RFK: variants seen among roughly 807,000 people sequenced by gnomAD.
The protein encoded by RFK is riboflavin kinase.
RFK carries 4 observed loss-of-function variants against 17.6 expected under a neutral mutation model. That is an observed-to-expected ratio of 0.23 (90% CI 0.11 to 0.52). RFK has a LOEUF of 0.52. Among genes scored for constraint, RFK ranks in the 20% least tolerant of loss-of-function variants. The pLI, the probability that RFK is intolerant of heterozygous loss-of-function variation, is 0.96. For missense variants in RFK, 189 were observed against 187.7 expected, an observed-to-expected ratio of 1.01 and a Z score of -0.04; for synonymous variants, 59 against 63.8, an observed-to-expected ratio of 0.92 and a Z score of 0.36.
rs1822864729 is a variant in RFK, at chr9:76,394,372, G to A, written c.-201C>T. ...GCCGCCGACCCAACAAATACCGCCG[G>A]GCGCCTGAGGAGCTGCGTCTCCGCT... On this transcript the variant is annotated 5_prime_UTR_variant, in exon 1 of 4. Coordinates refer to ENST00000376736, the MANE Select transcript of RFK (RefSeq NM_018339.6). 2.0e-6 allele frequency: 1 copy of A among 502,890 alleles called. No homozygotes were observed. Among genetic ancestry groups the A allele is most frequent in the Admixed American group, 4.1e-5 (1 of 24,192 alleles). The allele number at this position is 502,890 out of a possible 1,614,324, so 31.2% of individuals were successfully genotyped here.
chr9:76,388,451 T>C, intron 3 of RFK, 103 bp downstream of exon 3: 1 of 749,826 alleles, frequency 1.3e-6, no homozygotes, highest in Non-Finnish European at 2.3e-6. Context: ...ATATATTAAA[T>C]GCTCAAATAT....
rs56821125 is a variant in RFK, at chr9:76,390,839, C to CT, written c.234+1578dup. Among the ~76,000 whole-genome samples, 964 of 146,704 alleles carry CT rather than the reference C, an allele frequency of 6.6e-3. 6 individuals are homozygous for CT. The highest frequency in any genetic ancestry group is 0.023 in the African/African-American group (907 of 39,762). On this transcript the variant is annotated intron_variant, in intron 2 of 3. Transcript: ENST00000376736. ...CTTATTTAAGGTCAGTAAGATAACG[C>CT]TTTTTTTTTTTTTAAAGGACAAAGG... is the stretch of plus-strand genomic sequence containing the variant.
In RFK at chr9:76,385,938, T is replaced by A. The variant is rs1012433058; in HGVS notation, c.*1461A>T. The A allele has an allele frequency of 6.6e-6, 1 of 152,256 alleles. No homozygotes were observed. Among genetic ancestry groups the A allele is most frequent in the Admixed American group, 6.5e-5 (1 of 15,282 alleles). 9.4% of individuals were successfully genotyped at this position (152,256 alleles called of 1,614,324 possible). A position where few individuals can be genotyped will look rare whatever the true frequency, so the allele number is the denominator to read the frequency against. On this transcript the variant is annotated 3_prime_UTR_variant, in exon 4 of 4. Coordinates refer to ENST00000376736, the MANE Select transcript of RFK (RefSeq NM_018339.6). ...GCAAAACGCAATCCAACTATTTATA[T>A]GAGTCCCTCTTCTCCAACAGCTTTA...
chr9:76,393,875 C>G lies in RFK; in HGVS notation c.82+215G>C, dbSNP rs1822853386. 9.0e-6 allele frequency: 5 copies of G among 553,500 alleles called. 1 individual carries two copies. Among genetic ancestry groups the G allele is most frequent in the South Asian group, 4.6e-5 (2 of 43,546 alleles). 34.3% of individuals were successfully genotyped at this position (553,500 alleles called of 1,614,324 possible). A position where few individuals can be genotyped will look rare whatever the true frequency, so the allele number is the denominator to read the frequency against. On this transcript the variant is annotated intron_variant, in intron 1 of 3. Transcript: ENST00000376736. ...CTTCCGGCCCTCACCACCCCTCAAC[C>G]CCGTCCCCGCGGAGCTCGGAGCCAG...
chr9:76,387,255 TATG>T lies in RFK; in HGVS notation c.*141_*143del, dbSNP rs1822747445. ...GCTTAATTTAATAGTTGAAGCATGA[TATG>T]ATAACAACATTGTACGGTTTAAACT... On this transcript the variant is annotated 3_prime_UTR_variant, in exon 4 of 4. Transcript: ENST00000376736. 1.4e-6 allele frequency: 1 copy of T among 701,782 alleles called. No homozygotes were observed. Among genetic ancestry groups the T allele is most frequent in the Non-Finnish European group, 2.4e-6 (1 of 423,368 alleles). 43.5% of individuals were successfully genotyped at this position (701,782 alleles called of 1,614,324 possible). A position where few individuals can be genotyped will look rare whatever the true frequency, so the allele number is the denominator to read the frequency against.
At chr9:76,389,358 G>C (rs1041821851) in intron 2 of RFK, among the ~76,000 whole-genome samples, 1 of 152,146 alleles carries the variant, frequency 6.6e-6, no homozygotes, top group African/African-American at 2.4e-5. Context: ...TAATGGGTGG[G>C]GGGCGGCTTG....
intron 2 of RFK, among the ~76,000 whole-genome samples, chr9:76,390,448 G>A (rs2131554247): frequency 6.6e-6 from 1 of 152,240 alleles, no homozygotes; most frequent in Admixed American, 6.5e-5. Flanking sequence ...AGGACTGCTT[G>A]AGCCCAAAAG....
chr9:76,386,467 C>T lies in RFK; in HGVS notation c.*932G>A, dbSNP rs1405661271. 6.6e-6 allele frequency: 1 copy of T among 151,976 alleles called. No individual in the cohort carries two copies. Among genetic ancestry groups the T allele is most frequent in the Admixed American group, 6.6e-5 (1 of 15,252 alleles). 9.4% of individuals were successfully genotyped at this position (151,976 alleles called of 1,614,324 possible). A position where few individuals can be genotyped will look rare whatever the true frequency, so the allele number is the denominator to read the frequency against. ...TATGTGTAAATGTGTTCACTTAAATCTTGAGAAAACCTAAGGATGAAGTCT... is the reference window on the plus strand; with the variant it reads ...TATGTGTAAATGTGTTCACTTAAATTTTGAGAAAACCTAAGGATGAAGTCT... On this transcript the variant is annotated 3_prime_UTR_variant, in exon 4 of 4. Transcript: ENST00000376736.
chr9:76,388,836 G>A (rs1253723350), intron 2 of RFK, among the ~76,000 whole-genome samples, 180 bp from the exon 3 acceptor site: 1 of 152,160 alleles, frequency 6.6e-6, no homozygotes, highest in Non-Finnish European at 1.5e-5. Context: ...ACTCCTGTTT[G>A]GATCTTATAA....
rs1308136544 is a variant in RFK, at chr9:76,388,605, T to C, written c.286A>G (p.Asn96Asp). The change falls in exon 3 of 4, where the codon AAT becomes GAT. Residue 96 changes from asparagine to aspartate, a missense_variant. By Grantham distance (23) the Asn-to-Asp change is conservative. Around this residue, in one of 3 missense-constraint regions of RFK, gnomAD observed 95 missense variants for 95.7 expected, o/e 0.99. Transcript: ENST00000376736. Reference sequence around the variant, plus strand: ...CTCAGGTAGCCAACAATGGCCACATTGAGGATTTCCCCATAGAAGTCCTCT... The same window carrying C: ...CTCAGGTAGCCAACAATGGCCACATCGAGGATTTCCCCATAGAAGTCCTCT... Reference protein sequence around the residue: ...FKEDFYGEILNVAIVGYLRPE... With the variant: ...FKEDFYGEILDVAIVGYLRPE... 6.2e-7 allele frequency: 1 copy of C among 1,612,624 alleles called. No individual in the cohort carries two copies. Among genetic ancestry groups the C allele is most frequent in the African/African-American group, 1.3e-5 (1 of 75,038 alleles).
Position 76,392,497 on chromosome 9 carries a change from C to A in RFK, c.155G>T (p.Ser52Ile), listed in dbSNP as rs368542122. ...ISTGIYYGWA[S>I]VGSGDVHKMV... ...CTTATGGACATCTCCACTTCCAACA[C>A]TGGCCCAACCATAGTAAATACCAGT... is the stretch of plus-strand genomic sequence containing the variant. Residue 52 changes from serine (S) to isoleucine (I), a missense_variant, in exon 2 of 4, where the codon AGT becomes ATT. Coordinates refer to ENST00000376736, the MANE Select transcript of RFK (RefSeq NM_018339.6). The A allele has an allele frequency of 8.1e-5, 131 of 1,614,116 alleles. No individual in the cohort carries two copies. Among genetic ancestry groups the A allele is most frequent in the Non-Finnish European group, 1.1e-4 (125 of 1,180,028 alleles).
At chr9:76,391,218 C>G (rs1199512827) in intron 2 of RFK, among the ~76,000 whole-genome samples, 1 of 152,194 alleles carries the variant, frequency 6.6e-6, no homozygotes, top group Non-Finnish European at 1.5e-5. Flanking sequence ...TTGCTTACGC[C>G]AGCATTTAGC....
At chr9:76,389,550 A>C (rs10429486) in intron 2 of RFK, among the ~76,000 whole-genome samples, 1 of 152,176 alleles carries the variant, frequency 6.6e-6, no homozygotes, top group African/African-American at 2.4e-5. Context: ...ACTTGAGGTC[A>C]AGAGTTCAAG....
At chr9:76,391,425 G>A (rs1285565964) in intron 2 of RFK, among the ~76,000 whole-genome samples, 1 of 152,200 alleles carries the variant, frequency 6.6e-6, no homozygotes, top group Non-Finnish European at 1.5e-5. Flanking sequence ...GTTTAAAAAG[G>A]AAAGAGAAAA....
rs1223646368 is a variant in RFK, at chr9:76,386,100, C to T, written c.*1299G>A. 6.6e-6 allele frequency: 1 copy of T among 152,092 alleles called. No individual in the cohort carries two copies. The highest frequency in any genetic ancestry group is 1.5e-5 in the Non-Finnish European group (1 of 68,018). 9.4% of individuals were successfully genotyped at this position (152,092 alleles called of 1,614,324 possible). ...TCTATCTGCTTCTACCTCTATCCCCCCATCACCACCAAATCTGTTGCTACA... is the reference window on the plus strand; with the variant it reads ...TCTATCTGCTTCTACCTCTATCCCCTCATCACCACCAAATCTGTTGCTACA... On this transcript the variant is annotated 3_prime_UTR_variant, in exon 4 of 4. Transcript: ENST00000376736.
At chr9:76,390,048 A>G (rs572578934) in intron 2 of RFK, among the ~76,000 whole-genome samples, 1 of 152,334 alleles carries the variant, frequency 6.6e-6, no homozygotes, top group East Asian at 1.9e-4. Flanking sequence ...CAAACCAAGT[A>G]TGTATGTGAA....
intron 2 of RFK, among the ~76,000 whole-genome samples, chr9:76,390,244 CAAT>C (rs1348352301): frequency 6.6e-6 from 1 of 152,044 alleles, no homozygotes; most frequent in Non-Finnish European, 1.5e-5. Flanking sequence ...ATATGTCAGT[CAAT>C]TAAACTTTTA....
intron 2 of RFK, among the ~76,000 whole-genome samples, chr9:76,390,650 C>T (rs1047060650): frequency 2.8e-5 from 4 of 143,620 alleles, no homozygotes; most frequent in African/African-American, 7.7e-5. Flanking sequence ...GGTGACAGAG[C>T]AAGACCCTAT....
intron 2 of RFK, 144 bp from the exon 3 acceptor site, chr9:76,388,800 T>G (rs1203635228): frequency 3.6e-6 from 2 of 551,730 alleles, no homozygotes; most frequent in East Asian, 6.2e-5. Flanking sequence ...AAAATCTAAG[T>G]GCAGTTTTTC....
Sources: allele counts gnomAD v4.1 joint callset (sites outside exome capture counted in the v4.1 genomes callset), GRCh38; gene constraint gnomAD v4.1.1; regional missense constraint gnomAD v4.1.1; transcripts MANE v1.5; gene names NCBI Gene and HGNC (gene_info 2026-07-23, HGNC 2026-07-21).